The following DLG2 variants were observed in gnomAD, a reference collection of about 807,000 sequenced individuals.
The protein encoded by DLG2 is discs large MAGUK scaffold protein 2.
A neutral mutation model predicts 132.5 loss-of-function variants in DLG2; 45 were observed. The observed-to-expected ratio is 0.34, with a 90% CI of 0.27 to 0.44. DLG2 has a LOEUF of 0.44. Among genes scored for constraint, DLG2 ranks in the 20% least tolerant of loss-of-function variants. DLG2 has a pLI of 1.00. For synonymous variants in DLG2, 424 were observed against 419.6 expected, an observed-to-expected ratio of 1.01 and a Z score of -0.13; for missense variants, 1,045 against 1,196.9, an observed-to-expected ratio of 0.87 and a Z score of 1.87.
chr11:84,504,721 T>C (rs2099233424), intron 7 of DLG2, among the ~76,000 whole-genome samples: 2 of 152,118 alleles, frequency 1.3e-5, no homozygotes, highest in African/African-American at 2.4e-5. Context: ...TTGTTAGAAA[T>C]ACAAGTAATG....
chr11:83,882,641 G>C (rs1031754470), intron 15 of DLG2, among the ~76,000 whole-genome samples: 1 of 152,074 alleles, frequency 6.6e-6, no homozygotes, highest in African/African-American at 2.4e-5. Context: ...ATTTTATTAT[G>C]CCACTATACA....
chr11:83,778,505 T>C (rs1334531666), intron 18 of DLG2, among the ~76,000 whole-genome samples: 2 of 152,106 alleles, frequency 1.3e-5, no homozygotes, highest in African/African-American at 4.8e-5. Context: ...TATTACGGAA[T>C]GAAAGTTTTT....
chr11:85,067,099 T>A (rs2065041479), intron 6 of DLG2, among the ~76,000 whole-genome samples: 1 of 151,880 alleles, frequency 6.6e-6, no homozygotes, highest in Non-Finnish European at 1.5e-5. Flanking sequence ...ACTCCAGGAA[T>A]TCATCCATTT....
At chr11:83,980,754 G>T (rs2092704168) in intron 11 of DLG2, 112 bp from the exon 12 acceptor site, 4 of 1,040,514 alleles carry the variant, frequency 3.8e-6, no homozygotes, top group Non-Finnish European at 5.4e-6. Flanking sequence ...TCAACTTATT[G>T]TAACAGCAAT....
At chr11:84,974,880 A>G (rs2054642394) in intron 6 of DLG2, among the ~76,000 whole-genome samples, 1 of 152,274 alleles carries the variant, frequency 6.6e-6, no homozygotes, top group Non-Finnish European at 1.5e-5. Flanking sequence ...AAACAAGGGC[A>G]ACCTTGAAGT....
At chr11:83,759,925 A>G (rs1471563881) in intron 18 of DLG2, among the ~76,000 whole-genome samples, 1 of 152,228 alleles carries the variant, frequency 6.6e-6, no homozygotes, top group Non-Finnish European at 1.5e-5. Context: ...AGGACATTCA[A>G]AACGGAATCT....
intron 6 of DLG2, among the ~76,000 whole-genome samples, chr11:84,644,999 T>C (rs1407251838): frequency 6.6e-6 from 1 of 152,208 alleles, no homozygotes; most frequent in Non-Finnish European, 1.5e-5. Flanking sequence ...CGATTATCTG[T>C]ACCCCTGCAG....
At chr11:85,051,487 C>T (rs11234273) in intron 6 of DLG2, among the ~76,000 whole-genome samples, 37,278 of 152,036 alleles carry the variant, frequency 0.25, 4,783 homozygotes, top group Middle Eastern at 0.3. Context: ...GGTTTAACTA[C>T]GTGCCAAGCA....
chr11:85,019,712 T>G (rs1191829295), intron 6 of DLG2, among the ~76,000 whole-genome samples: 1 of 152,138 alleles, frequency 6.6e-6, no homozygotes, highest in African/African-American at 2.4e-5. Flanking sequence ...AGTGAGAACA[T>G]GCGGTGTTTG....
chr11:83,665,700 G>C (rs604276), intron 18 of DLG2, among the ~76,000 whole-genome samples: 67,888 of 151,982 alleles, frequency 0.45, 16,824 homozygotes, highest in African/African-American at 0.67. Context: ...CTAGAGAAAA[G>C]AAAGGCAGAT....
intron 7 of DLG2, among the ~76,000 whole-genome samples, chr11:84,348,799 A>C (rs2098549965): frequency 6.6e-6 from 1 of 152,172 alleles, no homozygotes; most frequent in African/African-American, 2.4e-5. Context: ...ACACACAGGG[A>C]TATCACCATA....
intron 19 of DLG2, among the ~76,000 whole-genome samples, chr11:83,568,462 G>T (rs751571256): frequency 2.6e-5 from 4 of 152,120 alleles, no homozygotes; most frequent in Non-Finnish European, 4.4e-5. Context: ...AGAGATTTGG[G>T]CTGCAACTAC....
chr11:84,682,087 T>G (rs1055411985), intron 6 of DLG2, among the ~76,000 whole-genome samples: 2 of 152,082 alleles, frequency 1.3e-5, no homozygotes, highest in African/African-American at 4.8e-5. Context: ...AATCTACTTA[T>G]CCGGCTACCC....
chr11:84,428,457 T>C (rs1466798193), intron 7 of DLG2, among the ~76,000 whole-genome samples: 1 of 152,180 alleles, frequency 6.6e-6, no homozygotes, highest in Non-Finnish European at 1.5e-5. Flanking sequence ...AGAAATTTAT[T>C]TTATCACAGT....
chr11:83,881,758 C>A (rs778722132), intron 15 of DLG2, among the ~76,000 whole-genome samples: 13 of 152,116 alleles, frequency 8.5e-5, no homozygotes, highest in Non-Finnish European at 1.5e-4. Context: ...AGGTGATTTG[C>A]ATACTAACAA....
At chr11:84,190,691 G>T (rs1042783967) in intron 8 of DLG2, among the ~76,000 whole-genome samples, 1 of 152,120 alleles carries the variant, frequency 6.6e-6, no homozygotes, top group African/African-American at 2.4e-5. Flanking sequence ...AGGCCCACAG[G>T]CATTTCCTAT....
intron 6 of DLG2, among the ~76,000 whole-genome samples, chr11:84,708,631 G>A (rs2153751979): frequency 6.6e-6 from 1 of 151,818 alleles, no homozygotes; most frequent in East Asian, 2.0e-4. Context: ...CAGGCATCCG[G>A]TTTCTACAAT....
intron 5 of DLG2, among the ~76,000 whole-genome samples, chr11:85,141,719 T>C (rs1441319910): frequency 2.0e-5 from 3 of 151,952 alleles, no homozygotes; most frequent in East Asian, 1.9e-4. Flanking sequence ...TCCATTTTTA[T>C]TTTATTTTTG....
intron 7 of DLG2, among the ~76,000 whole-genome samples, chr11:84,382,939 A>G (rs990403725): frequency 2.6e-5 from 4 of 151,512 alleles, no homozygotes; most frequent in Non-Finnish European, 4.4e-5. Context: ...ATATGACTCT[A>G]GGACTATAGA....
Sources: gnomAD v4.1 joint callset for allele counts (sites outside exome capture counted in the v4.1 genomes callset) on GRCh38, gnomAD v4.1.1 for gene constraint, MANE v1.5 for transcripts, NCBI Gene and HGNC (gene_info 2026-07-23, HGNC 2026-07-21) for gene names.